Variants in SCRN2 observed in about 807,000 individuals in gnomAD.
SCRN2 encodes the protein secernin-2.
In SCRN2, 30 loss-of-function variants were observed where a neutral mutation model predicts 40.1. The observed-to-expected ratio is 0.75, with a 90% CI of 0.56 to 1.01. SCRN2 has a LOEUF of 1.01. SCRN2 is among the 50% of genes least tolerant of loss of function. The probability of loss-of-function intolerance (pLI) is 0.00; values close to 1 mark genes in which losing one functional copy is unlikely to be tolerated. For synonymous variants in SCRN2, 240 were observed against 233.5 expected, an observed-to-expected ratio of 1.03 and a Z score of -0.25; for missense variants, 526 against 564.9, an observed-to-expected ratio of 0.93 and a Z score of 0.70.
intron 1 of SCRN2, 28 bp downstream of exon 1, chr17:47,841,180 C>G (rs117519155): frequency 5.5e-4 from 127 of 229,072 alleles, no homozygotes; most frequent in Non-Finnish European, 8.7e-4. Flanking sequence ...CAACCCTTCT[C>G]TCACCCCCAG....
chr17:47,839,057 T>C, intron 4 of SCRN2, 51 bp from the exon 5 acceptor site: 1 of 1,582,374 alleles, frequency 6.3e-7, no homozygotes, highest in African/African-American at 1.3e-5. Context: ...ATCTATTCTA[T>C]GCCAGGCACT....
chr17:47,839,674 G>T (rs200991812), intron 3 of SCRN2, 31 bp from the exon 4 acceptor site: 1 of 1,609,094 alleles, frequency 6.2e-7, no homozygotes, highest in African/African-American at 1.3e-5. Context: ...GGGACAGAAG[G>T]GTGACAGAGG....
chr17:47,838,237 C>T, intron 7 of SCRN2, 33 bp downstream of exon 7: 1 of 1,573,800 alleles, frequency 6.4e-7, no homozygotes. Context: ...GTCTATCATC[C>T]CCTCAAGGTA....
At chr17:47,839,677 GA>G (rs767053023) in intron 3 of SCRN2, 34 bp from the exon 4 acceptor site, 9 of 1,608,894 alleles carry the variant, frequency 5.6e-6, no homozygotes, top group Non-Finnish European at 6.0e-6. Flanking sequence ...ACAGAAGGGT[GA>G]CAGAGGGATC....
chr17:47,840,239 T>C lies in SCRN2; in HGVS notation c.308A>G (p.Lys103Arg), dbSNP rs17856536. Residue 103 changes from lysine (K) to arginine (R), a missense_variant, in exon 3 of 8, where the codon AAG becomes AGG. By Grantham distance (26) the Lys-to-Arg change is conservative. Transcript: ENST00000290216. ...VCIGNEAVWT[K>R]EPVGEGEALL... ...GGCTTCCCCCTCCCCAACTGGCTCC[T>C]TCGTCCACACAGCCTCGTTGCCAAT... The C allele has an allele frequency of 0.034, 54,940 of 1,614,078 alleles. 1,154 individuals are homozygous for C. Among genetic ancestry groups the C allele is most frequent in the Middle Eastern group, 0.11 (642 of 6,060 alleles).
chr17:47,838,910 C>A lies in SCRN2; in HGVS notation c.653G>T (p.Trp218Leu), dbSNP rs753038876. The A allele has an allele frequency of 2.5e-6, 4 of 1,614,012 alleles. No homozygotes were observed. Among genetic ancestry groups the A allele is most frequent in the Non-Finnish European group, 3.4e-6 (4 of 1,180,044 alleles). ...LRTHAQAKGW[W>L]DGQGAFDFAQ... ...AAAGTCAAAGGCACCCTGCCCATCC[C>A]ACCAGCCCTTGGCCTGGGCATGAGT... Residue 218 changes from tryptophan to leucine, a missense_variant, in exon 5 of 8, where the codon TGG (tryptophan) becomes TTG (leucine). Transcript: ENST00000290216.
At position 47,838,230 on chromosome 17, in the gene SCRN2, T is replaced by C. The variant is rs370661358; in HGVS notation, c.1119+40A>G. 3.0e-4 allele frequency: 475 copies of C among 1,573,382 alleles called. 1 individual carries two copies. The African/African-American group carries it at 6.3e-3, about 21-fold the overall frequency. ...AGTCCCACTGGGAGTGGGGGAGGTCTATCATCCCCTCAAGGTAGCCCCTAC... is the reference window on the plus strand; with the variant it reads ...AGTCCCACTGGGAGTGGGGGAGGTCCATCATCCCCTCAAGGTAGCCCCTAC... On this transcript the variant is annotated intron_variant, in intron 7 of 7. Transcript: ENST00000290216.
At chr17:47,839,351 G>T in intron 4 of SCRN2, 93 bp downstream of exon 4, 3 of 1,302,566 alleles carry the variant, frequency 2.3e-6, no homozygotes, top group Non-Finnish European at 2.1e-6. Context: ...CCATCTCCCT[G>T]GATGTCCTGA....
intron 3 of SCRN2, chr17:47,839,860 T>C: frequency 3.3e-6 from 2 of 608,388 alleles, no homozygotes; most frequent in Non-Finnish European, 5.8e-6. Flanking sequence ...TGAAAAGGCC[T>C]GAAACACAGT....
In SCRN2 at chr17:47,837,864, C is replaced by A. The variant is rs757451151; in HGVS notation, c.1258G>T (p.Glu420Ter). The A allele has an allele frequency of 8.1e-6, 13 of 1,601,160 alleles. No individual in the cohort carries two copies. The highest frequency in any genetic ancestry group is 1.7e-5 in the Admixed American group (1 of 59,782). The stretch of plus-strand genomic sequence containing the variant: ...GAAGCTTACGCATAAGCCTGGCTCT[C>A]CCTCTTCACGAAGGCCTGGAAGAGG... ...GSLFQAFVKR[E>*]SQAYA The change falls in exon 8 of 8, where the codon GAG (glutamate) becomes TAG (stop). Residue 420 changes from glutamate (E) to a stop codon, truncating the protein, a stop_gained. Transcript: ENST00000290216. LOFTEE classifies it high-confidence loss of function.
In SCRN2 at chr17:47,840,390, GA is replaced by G; in HGVS notation, c.175-19del. ...TAGGTGCACTGGAGGTGAGGGAGGA[GA>G]AAGGAAGCGTCCACTCATAGAGGGG... On this transcript the variant is annotated intron_variant, in intron 2 of 7. Transcript: ENST00000290216. The G allele has an allele frequency of 6.2e-7, 1 of 1,612,732 alleles. No homozygotes were observed. Among genetic ancestry groups the G allele is most frequent in the African/African-American group, 1.3e-5 (1 of 75,056 alleles).
chr17:47,839,238 C>A (rs1176224962), intron 4 of SCRN2, among the ~76,000 whole-genome samples: 1 of 152,192 alleles, frequency 6.6e-6, no homozygotes, highest in African/African-American at 2.4e-5. Flanking sequence ...AACCTGACCA[C>A]CCAGGGAAGT....
intron 3 of SCRN2, chr17:47,839,939 G>A (rs943283851): frequency 1.7e-6 from 1 of 586,210 alleles, no homozygotes; most frequent in Non-Finnish European, 3.0e-6. Flanking sequence ...ACTATTACTG[G>A]TTTTATAAAT....
chr17:47,839,742 G>C, intron 3 of SCRN2, 99 bp from the exon 4 acceptor site: 1 of 1,287,372 alleles, frequency 7.8e-7, no homozygotes, highest in East Asian at 2.3e-5. Context: ...GAGGTTTGGT[G>C]ATAGGCCCAA....
rs755167396 is a variant in SCRN2, at chr17:47,840,663, A to G, written c.174+7T>C. ...CACCTCCCAGCACCCCATAAAGTCTAACCCACCTGGAGCCGGCTCCCAGGA... is the reference window on the plus strand; with the variant it reads ...CACCTCCCAGCACCCCATAAAGTCTGACCCACCTGGAGCCGGCTCCCAGGA... On this transcript the variant is annotated splice_region_variant and intron_variant, in intron 2 of 7. Coordinates refer to ENST00000290216, the MANE Select transcript of SCRN2 (RefSeq NM_138355.4). 1.9e-6 allele frequency: 3 copies of G among 1,597,838 alleles called. No homozygotes were observed. In the East Asian group the frequency reaches 6.8e-5, roughly 36 times the overall value.
chr17:47,839,520 G>A lies in SCRN2; in HGVS notation c.480C>T (p.Thr160=). 2 of 1,614,002 alleles carry A rather than the reference G, an allele frequency of 1.2e-6. No individual in the cohort carries two copies. Residue 160 remains threonine (T), a synonymous_variant, in exon 4 of 8, where the codon ACC becomes ACT. Coordinates refer to ENST00000290216, the MANE Select transcript of SCRN2 (RefSeq NM_138355.4). ...EDAAPFSYHS[T]FLLADRTEAW... ...CCTCAGTGCGGTCAGCCAGCAGGAA[G>A]GTGCTATGGTAGGAGAATGGCGCAG...
At chr17:47,838,761 G>A in intron 5 of SCRN2, 30 bp downstream of exon 5, 17 of 1,610,936 alleles carry the variant, frequency 1.1e-5, no homozygotes, top group Non-Finnish European at 1.4e-5. Flanking sequence ...TGGCCCTCCT[G>A]GCCCCCAGCC....
rs2033803538 is a variant in SCRN2 at position 47,840,706 on chromosome 17, G to A, written c.138C>T (p.Val46=). ...PRDEVQEVVF[V]PAGTHTPGSR... ...TCCCAGGAGTGTGAGTGCCTGCGGG[G>A]ACAAACACCACCTCCTGCACCTCGT... is the stretch of plus-strand genomic sequence containing the variant. The change falls in exon 2 of 8, where the codon GTC becomes GTT. Residue 46 remains valine (V), a synonymous_variant. Coordinates refer to ENST00000290216, the MANE Select transcript of SCRN2 (RefSeq NM_138355.4). The A allele has an allele frequency of 6.2e-7, 1 of 1,605,782 alleles. No homozygotes were observed. Among genetic ancestry groups the A allele is most frequent in the Non-Finnish European group, 8.5e-7 (1 of 1,175,856 alleles).
Position 47,838,687 on chromosome 17 carries a change from G to A in SCRN2, c.782C>T (p.Thr261Met), listed in dbSNP as rs764811245. The A allele has an allele frequency of 4.3e-5, 70 of 1,613,640 alleles. No individual in the cohort carries two copies. The highest frequency in any genetic ancestry group is 3.0e-4 in the Admixed American group (18 of 59,996). Residue 261 changes from threonine (T) to methionine (M), a missense_variant, in exon 6 of 8, where the codon ACG (threonine) becomes ATG (methionine). By Grantham distance (81) the Thr-to-Met change is moderately conservative (BLOSUM62 -1). Transcript: ENST00000290216. ...ELLRQRQGGI[T>M]AEVMMGILRD... ...GAGGATGCCCATCATCACCTCTGCCGTGATGCCCCCTGCCAAGGAGTAGAG... is the reference window on the plus strand; with the variant it reads ...GAGGATGCCCATCATCACCTCTGCCATGATGCCCCCTGCCAAGGAGTAGAG...
Sources: allele counts gnomAD v4.1 joint callset (sites outside exome capture counted in the v4.1 genomes callset), GRCh38; gene constraint gnomAD v4.1.1; transcripts MANE v1.5; gene names NCBI Gene and HGNC (gene_info 2026-07-23, HGNC 2026-07-21).